POC1A: variants seen among roughly 807,000 people sequenced by gnomAD.
The protein encoded by POC1A is POC1 centriolar protein A, also known as POC1 centriolar protein homolog A.
Under a neutral mutation model 47.8 loss-of-function variants are expected in POC1A, and 34 were observed. The observed-to-expected ratio is 0.71, with a 90% CI of 0.54 to 0.95. The LOEUF is 0.95. POC1A is among the 40% of genes least tolerant of loss of function. The probability of loss-of-function intolerance (pLI) is 0.00; values close to 1 mark genes in which losing one functional copy is unlikely to be tolerated. For missense variants in POC1A, 466 were observed against 528.3 expected, an observed-to-expected ratio of 0.88 and a Z score of 1.16; for synonymous variants, 177 against 207.6, an observed-to-expected ratio of 0.85 and a Z score of 1.27.
At chr3:52,087,693 C>T (rs1702507539) in intron 10 of POC1A, among the ~76,000 whole-genome samples, 1 of 152,188 alleles carries the variant, frequency 6.6e-6, no homozygotes, top group African/African-American at 2.4e-5. Flanking sequence ...GCTCTCTTTT[C>T]CATATCACTC....
At chr3:52,099,591 C>T (rs1266199157) in intron 9 of POC1A, among the ~76,000 whole-genome samples, 1 of 152,200 alleles carries the variant, frequency 6.6e-6, no homozygotes, top group South Asian at 2.1e-4. Context: ...TGACTTACAC[C>T]TGTAACCCAA....
chr3:52,147,617 T>G (rs1374716279), intron 4 of POC1A, among the ~76,000 whole-genome samples: 1 of 151,858 alleles, frequency 6.6e-6, no homozygotes, highest in Non-Finnish European at 1.5e-5. Flanking sequence ...TTTATTTTAT[T>G]TTATTGTAGA....
At chr3:52,138,484 C>A (rs999787879) in intron 6 of POC1A, among the ~76,000 whole-genome samples, 182 bp from the exon 7 acceptor site, 1 of 152,056 alleles carries the variant, frequency 6.6e-6, no homozygotes, top group South Asian at 2.1e-4. Flanking sequence ...GGGGCACAAT[C>A]GAAGAACAGG....
chr3:52,076,836 C>T (rs1419505980), intron 10 of POC1A, among the ~76,000 whole-genome samples: 2 of 152,262 alleles, frequency 1.3e-5, no homozygotes, highest in African/African-American at 2.4e-5. Context: ...GCGGACCTGG[C>T]TGCCTGGCCT....
At chr3:52,134,576 G>A (rs1275657239) in intron 7 of POC1A, among the ~76,000 whole-genome samples, 1 of 152,200 alleles carries the variant, frequency 6.6e-6, no homozygotes, top group Non-Finnish European at 1.5e-5. Flanking sequence ...AGGTTGCAGT[G>A]AGCTGAGATC....
chr3:52,102,560 T>G (rs1441610736), intron 9 of POC1A, among the ~76,000 whole-genome samples: 1 of 152,216 alleles, frequency 6.6e-6, no homozygotes, highest in Non-Finnish European at 1.5e-5. Flanking sequence ...GATCTCACCT[T>G]GAGATTCTTA....
rs1702600596 is a variant in POC1A, at chr3:52,090,276, T to G, written c.1125+6293A>C. 6.6e-6 allele frequency among the ~76,000 whole-genome samples: 1 copy of G among 152,178 alleles called. No homozygotes were observed. The highest frequency in any genetic ancestry group is 1.5e-5 in the Non-Finnish European group (1 of 68,006). On this transcript the variant is annotated intron_variant, in intron 10 of 10. Coordinates refer to ENST00000296484, the MANE Select transcript of POC1A (RefSeq NM_015426.5). The surrounding 1 kb of genome is among the most constrained non-coding windows in gnomAD (Gnocchi z 4.2). ...AACACTGGGTGCCATAAAAAAACAG[T>G]TGGAGCAGGAATTTCATGGCTCGGT... is the stretch of plus-strand genomic sequence containing the variant.
chr3:52,089,226 T>C (rs903205616), intron 10 of POC1A, among the ~76,000 whole-genome samples: 2 of 151,566 alleles, frequency 1.3e-5, no homozygotes, highest in African/African-American at 4.9e-5. Context: ...GGCTCCCCTG[T>C]CCCGCCACAT....
intron 6 of POC1A, among the ~76,000 whole-genome samples, chr3:52,139,467 C>A (rs1164683392): frequency 6.6e-6 from 1 of 152,164 alleles, no homozygotes; most frequent in Admixed American, 6.5e-5. Context: ...AACTTTTTTA[C>A]CCCTTGTTTC....
intron 10 of POC1A, among the ~76,000 whole-genome samples, chr3:52,085,009 A>G (rs1226606224): frequency 6.6e-6 from 1 of 152,226 alleles, no homozygotes; most frequent in African/African-American, 2.4e-5. Context: ...ATAAGGCACC[A>G]GTGGCTGATG....
intron 10 of POC1A, among the ~76,000 whole-genome samples, chr3:52,086,722 C>T (rs909757539): frequency 6.6e-6 from 1 of 152,262 alleles, no homozygotes; most frequent in African/African-American, 2.4e-5. Context: ...CCTCAGCCAC[C>T]AACCAGTACC....
rs373739278 is a variant in POC1A, at chr3:52,084,105, G to A, written c.1126-8120C>T. ...CGTGCCTGTGGCCAGTTTGTAGAACGCTGGTTCCAGAATAAACTCTGGGAG... is the reference window on the plus strand; with the variant it reads ...CGTGCCTGTGGCCAGTTTGTAGAACACTGGTTCCAGAATAAACTCTGGGAG... On this transcript the variant is annotated intron_variant, in intron 10 of 10. Coordinates refer to ENST00000296484, the MANE Select transcript of POC1A (RefSeq NM_015426.5). The surrounding 1 kb of genome is among the most constrained non-coding windows in gnomAD (Gnocchi z 4.3). Among the ~76,000 whole-genome samples the A allele has an allele frequency of 2.0e-5, 3 of 152,218 alleles. No individual in the cohort carries two copies. The South Asian group carries it at 6.2e-4, about 32-fold the overall frequency.
chr3:52,152,293 G>C, intron 1 of POC1A, among the ~76,000 whole-genome samples: 1 of 151,596 alleles, frequency 6.6e-6, no homozygotes, highest in South Asian at 2.1e-4. Flanking sequence ...TAGTTAGCCG[G>C]GCACAGTGGC....
chr3:52,083,457 G>C (rs923711163), intron 10 of POC1A, among the ~76,000 whole-genome samples: 1 of 152,100 alleles, frequency 6.6e-6, no homozygotes, highest in Non-Finnish European at 1.5e-5. Flanking sequence ...CCTGGGCTAC[G>C]TGGGCTTTTC....
chr3:52,089,819 G>T (rs1479949259), intron 10 of POC1A, among the ~76,000 whole-genome samples: 1 of 152,128 alleles, frequency 6.6e-6, no homozygotes, highest in Non-Finnish European at 1.5e-5. Context: ...GTCCTCCCAG[G>T]AAAGAGGGAT....
In POC1A at chr3:52,149,879, G is replaced by A. The variant is rs1305293612; in HGVS notation, c.212C>T (p.Pro71Leu). 6.2e-7 allele frequency: 1 copy of A among 1,614,046 alleles called. No homozygotes were observed. ...GCCGGAAGCAAGCAGGTGTCCCGAA[G>A]GAGAGAAGTTCACACAGGTGACGGC... is the stretch of plus-strand genomic sequence containing the variant. ...KDAVTCVNFS[P>L]SGHLLASGSR... is the part of the protein sequence containing the mutation. The change falls in exon 3 of 11, where the codon CCT becomes CTT. Residue 71 changes from proline (P) to leucine (L), a missense_variant. Physicochemically the swap from Pro to Leu is moderately conservative, Grantham distance 98. Coordinates refer to ENST00000296484, the MANE Select transcript of POC1A (RefSeq NM_015426.5).
At chr3:52,121,747 C>T (rs539297818) in intron 9 of POC1A, among the ~76,000 whole-genome samples, 1 of 152,302 alleles carries the variant, frequency 6.6e-6, no homozygotes, top group East Asian at 1.9e-4. Context: ...TCCACAACCT[C>T]GGCTTTAACA....
intron 9 of POC1A, among the ~76,000 whole-genome samples, chr3:52,098,202 C>G (rs1014973362): frequency 6.6e-6 from 1 of 152,184 alleles, no homozygotes; most frequent in Non-Finnish European, 1.5e-5. Flanking sequence ...AGTGCTGTGC[C>G]CACTCCTTCC....
intron 5 of POC1A, among the ~76,000 whole-genome samples, chr3:52,146,497 G>A (rs916008477): frequency 2.6e-5 from 4 of 152,220 alleles, no homozygotes; most frequent in Non-Finnish European, 4.4e-5. Context: ...GGCAGAAGCT[G>A]GGGTCTCTAC....
Sources: gnomAD v4.1 joint callset for allele counts (sites outside exome capture counted in the v4.1 genomes callset) on GRCh38, gnomAD v4.1.1 for gene constraint, Gnocchi (gnomAD v3.1) non-coding constraint, MANE v1.5 for transcripts, NCBI Gene and HGNC (gene_info 2026-07-23, HGNC 2026-07-21) for gene names.